Variants in OIP5 observed in about 807,000 individuals in gnomAD.
OIP5 encodes protein Mis18-beta.
Under a neutral mutation model 20.3 loss-of-function variants are expected in OIP5, and 24 were observed. That is an observed-to-expected ratio of 1.18 (90% CI 0.86 to 1.66). The LOEUF (loss-of-function observed/expected upper bound fraction) is 1.66. Ranked by LOEUF, OIP5 falls within the 40% of genes most tolerant of loss-of-function variation. The probability of loss-of-function intolerance (pLI) is 0.00; values close to 1 mark genes in which losing one functional copy is unlikely to be tolerated. For missense variants in OIP5, 339 were observed against 289.5 expected (o/e 1.17, Z -1.24); for synonymous variants, 143 against 121.3 (o/e 1.18, Z -1.17).
In OIP5 at chr15:41,322,670, C is replaced by T. The variant is rs759553472; in HGVS notation, c.390-2890G>A. On this transcript the variant is annotated intron_variant, in intron 2 of 4. Coordinates refer to ENST00000220514, the MANE Select transcript of OIP5 (RefSeq NM_007280.2). Reference sequence around the variant, plus strand: ...CATAGCTAGCCCGGGCATGATGGCTCACGCCTGTAATCCCAGCACTTTGGG... The same window carrying T: ...CATAGCTAGCCCGGGCATGATGGCTTACGCCTGTAATCCCAGCACTTTGGG... Among the ~76,000 whole-genome samples the T allele has an allele frequency of 1.2e-4, 18 of 152,266 alleles. No individual in the cohort carries two copies. In the South Asian group the frequency reaches 2.1e-3, roughly 18 times the overall value.
intron 3 of OIP5, among the ~76,000 whole-genome samples, chr15:41,318,663 A>G (rs949470994): frequency 2.6e-5 from 4 of 152,050 alleles, no homozygotes; most frequent in Admixed American, 2.6e-4. Flanking sequence ...ATATGGTATG[A>G]TAAGACATGG....
chr15:41,321,255 G>T (rs1408835958), intron 2 of OIP5, among the ~76,000 whole-genome samples: 1 of 147,722 alleles, frequency 6.8e-6, no homozygotes, highest in Non-Finnish European at 1.5e-5. Flanking sequence ...GAGGTGGGGT[G>T]GTCCAGCCCC....
rs775349684 is a variant in OIP5, at chr15:41,331,910, C to T, written c.389+5G>A. 3.1e-6 allele frequency: 5 copies of T among 1,612,502 alleles called. No homozygotes were observed. The South Asian group carries it at 4.4e-5, about 14-fold the overall frequency. On this transcript the variant is annotated splice_donor_5th_base_variant and intron_variant, in intron 2 of 4. Transcript: ENST00000220514. ...CTAGAGACCAATGTAATTATCAATA[C>T]GTACCTGCCTTTGAGTGAACCTTCA...
At chr15:41,317,737 GAC>G (rs1170737560) in intron 3 of OIP5, among the ~76,000 whole-genome samples, 1 of 152,064 alleles carries the variant, frequency 6.6e-6, no homozygotes, top group African/African-American at 2.4e-5. Context: ...AGAATACAGT[GAC>G]ACAATCATAG....
At chr15:41,310,045 A>G (rs537065800) in intron 4 of OIP5, among the ~76,000 whole-genome samples, 196 bp from the exon 5 acceptor site, 4 of 152,042 alleles carry the variant, frequency 2.6e-5, no homozygotes, top group Admixed American at 1.3e-4. Context: ...TGTGTTTTAA[A>G]TTTTCTTTGT....
In OIP5 at chr15:41,320,452, AT is replaced by A. The variant is rs560070223; in HGVS notation, c.390-673del. On this transcript the variant is annotated intron_variant, in intron 2 of 4. Transcript: ENST00000220514. ...GCCGCCACACTTGACAGGTTTTCAT[AT>A]TTTTTTGGTGGAGACGGGGTTTCGC... Among the ~76,000 whole-genome samples, 259 of 152,068 alleles carry A rather than the reference AT, an allele frequency of 1.7e-3. 2 individuals carry two copies. The highest frequency in any genetic ancestry group is 6.1e-3 in the African/African-American group (252 of 41,470).
chr15:41,315,501 T>G (rs1194992430), intron 3 of OIP5, among the ~76,000 whole-genome samples: 2 of 152,076 alleles, frequency 1.3e-5, no homozygotes, highest in Non-Finnish European at 2.9e-5. Flanking sequence ...CATATCCTTT[T>G]CCTTCATGTT....
chr15:41,318,982 C>T (rs2047805342), intron 3 of OIP5, among the ~76,000 whole-genome samples: 1 of 151,994 alleles, frequency 6.6e-6, no homozygotes, highest in Non-Finnish European at 1.5e-5. Flanking sequence ...GCATTACAGG[C>T]GCGAGCCATC....
At chr15:41,313,191 T>C (rs2047769621) in intron 4 of OIP5, 82 bp downstream of exon 4, 3 of 840,958 alleles carry the variant, frequency 3.6e-6, no homozygotes, top group Admixed American at 4.4e-5. Context: ...TCATGCCATT[T>C]CATCATCCCC....
chr15:41,311,207 CCCGT>C (rs2047751752), intron 4 of OIP5, among the ~76,000 whole-genome samples: 3 of 152,116 alleles, frequency 2.0e-5, no homozygotes, highest in African/African-American at 7.2e-5. Flanking sequence ...ATGGTAAAAC[CCCGT>C]CTCTACTAAA....
At chr15:41,321,012 G>A (rs1281439100) in intron 2 of OIP5, among the ~76,000 whole-genome samples, 1 of 147,002 alleles carries the variant, frequency 6.8e-6, no homozygotes. Flanking sequence ...CTGCCCGGCT[G>A]CCCCATCTTG....
At chr15:41,325,409 A>C (rs917055003) in intron 2 of OIP5, among the ~76,000 whole-genome samples, 8 of 152,052 alleles carry the variant, frequency 5.3e-5, no homozygotes, top group African/African-American at 1.9e-4. Context: ...CCGTCTCAAA[A>C]TAAATAAATA....
At chr15:41,328,091 T>C (rs995601792) in intron 2 of OIP5, among the ~76,000 whole-genome samples, 4 of 152,126 alleles carry the variant, frequency 2.6e-5, no homozygotes, top group Admixed American at 2.0e-4. Flanking sequence ...AATAAATAAA[T>C]AGAAAAAAGT....
At position 41,332,552 on chromosome 15, in the gene OIP5, G is replaced by C. The variant is rs2047949297; in HGVS notation, c.10C>G (p.Gln4Glu). 1 of 1,602,218 alleles carries C rather than the reference G, an allele frequency of 6.2e-7. No individual in the cohort carries two copies. The part of the protein sequence containing the change: MAA[Q>E]PLRHRSRCAT... ...CAACGTGAGCGATGCCGCAGCGGCT[G>C]AGCCGCCATCTTCCCGCAGCCGGCG... Residue 4 changes from glutamine to glutamate, a missense_variant, in exon 1 of 5, where the codon CAG (glutamine) becomes GAG (glutamate). Gln to Glu is a conservative substitution (Grantham distance 29). Coordinates refer to ENST00000220514, the MANE Select transcript of OIP5 (RefSeq NM_007280.2).
intron 2 of OIP5, among the ~76,000 whole-genome samples, chr15:41,329,346 C>T (rs1056626832): frequency 1.4e-5 from 2 of 143,120 alleles, no homozygotes; most frequent in African/African-American, 2.6e-5. Context: ...GACGGAGTCT[C>T]GATCTGTCGT....
rs869073906 is a variant in OIP5 at position 41,323,985 on chromosome 15, CTTTTTTT to C, written c.390-4212_390-4206del. On this transcript the variant is annotated intron_variant, in intron 2 of 4. Coordinates refer to ENST00000220514, the MANE Select transcript of OIP5 (RefSeq NM_007280.2). The stretch of plus-strand genomic sequence containing the variant: ...CTTAAATCTCATGAACCAACCTCTG[CTTTTTTT>C]TTTTTTTTTTTTTTTAAGATGGTCT... Among the ~76,000 whole-genome samples, 45 of 107,050 alleles carry C rather than the reference CTTTTTTT, an allele frequency of 4.2e-4. 1 individual carries two copies. Among genetic ancestry groups the C allele is most frequent in the African/African-American group, 1.6e-3 (43 of 26,278 alleles). The allele number at this position is 107,050 out of a possible 152,430, so 70.2% of individuals were successfully genotyped here.
Position 41,331,946 on chromosome 15 carries a change from G to A in OIP5, c.358C>T (p.Leu120=). ...TTGAGTGAACCTTCAATGCCAACTAGGAAGGGCGCTTCCAAAACGACGTTA... is the reference window on the plus strand; with the variant it reads ...TTGAGTGAACCTTCAATGCCAACTAAGAAGGGCGCTTCCAAAACGACGTTA... ...TNNVVLEAPF[L]VGIEGSLKGS... is the part of the protein sequence containing the mutation. The change falls in exon 2 of 5, where the codon CTA becomes TTA. Residue 120 remains leucine (L), a synonymous_variant. Transcript: ENST00000220514. 6.2e-7 allele frequency: 1 copy of A among 1,614,030 alleles called. No homozygotes were observed. The highest frequency in any genetic ancestry group is 8.5e-7 in the Non-Finnish European group (1 of 1,180,000).
chr15:41,314,712 A>G (rs1050896440), intron 3 of OIP5, among the ~76,000 whole-genome samples: 27 of 151,102 alleles, frequency 1.8e-4, no homozygotes, highest in African/African-American at 6.3e-4. Flanking sequence ...GCTCACTGCA[A>G]CCTCCGCCTT....
intron 2 of OIP5, among the ~76,000 whole-genome samples, chr15:41,324,357 CAG>C (rs2047848670): frequency 6.6e-6 from 1 of 152,066 alleles, no homozygotes; most frequent in Non-Finnish European, 1.5e-5. Flanking sequence ...CAGAATTGAA[CAG>C]AGTTAGGGCC....
Sources: gnomAD v4.1 joint callset for allele counts (sites outside exome capture counted in the v4.1 genomes callset) on GRCh38, gnomAD v4.1.1 for gene constraint, MANE v1.5 for transcripts, NCBI Gene and HGNC (gene_info 2026-07-23, HGNC 2026-07-21) for gene names.